The following ROBO2 variants were observed in gnomAD, a reference collection of about 807,000 sequenced individuals.
ROBO2 encodes the protein roundabout guidance receptor 2, also known as roundabout homolog 2.
ROBO2 carries 53 observed loss-of-function variants against 160.8 expected under a neutral mutation model. The observed-to-expected ratio is 0.33, with a 90% CI of 0.26 to 0.41. The LOEUF (loss-of-function observed/expected upper bound fraction) is 0.41. Among genes scored for constraint, ROBO2 ranks in the 10% least tolerant of loss-of-function variants. The probability of loss-of-function intolerance (pLI) is 1.00; values close to 1 mark genes in which losing one functional copy is unlikely to be tolerated. For synonymous variants in ROBO2, 664 were observed against 611.7 expected, an observed-to-expected ratio of 1.09 and a Z score of -1.26; for missense variants, 1,577 against 1,722.4, an observed-to-expected ratio of 0.92 and a Z score of 1.49.
chr3:76,978,281 T>C (rs1343962746), intron 2 of ROBO2, among the ~76,000 whole-genome samples: 3 of 152,170 alleles, frequency 2.0e-5, no homozygotes, highest in Non-Finnish European at 4.4e-5. Flanking sequence ...CTAATTGCAA[T>C]ATATTAGAGG....
At chr3:76,603,351 A>AAATAT (rs1553826368) in intron 2 of ROBO2, among the ~76,000 whole-genome samples, 68 of 26,410 alleles carry the variant, frequency 2.6e-3, no homozygotes, top group Non-Finnish European at 3.2e-3. Flanking sequence ...AAAAAAAAAA[A>AAATAT]ATATATATAT....
chr3:76,642,087 C>G (rs933082757), intron 2 of ROBO2, among the ~76,000 whole-genome samples: 2 of 152,066 alleles, frequency 1.3e-5, no homozygotes, highest in Non-Finnish European at 2.9e-5. Flanking sequence ...TGCAATTTTT[C>G]TATAAGTTTA....
chr3:76,198,655 T>TCAAAG (rs1702375974), intron 2 of ROBO2, among the ~76,000 whole-genome samples: 1 of 152,138 alleles, frequency 6.6e-6, no homozygotes, highest in Non-Finnish European at 1.5e-5. Context: ...AAGAAATATT[T>TCAAAG]GCCATCTATT....
At chr3:76,360,516 G>T (rs3860547) in intron 2 of ROBO2, among the ~76,000 whole-genome samples, 7,021 of 152,140 alleles carry the variant, frequency 0.046, 434 homozygotes, top group African/African-American at 0.14. Flanking sequence ...AGAAGTTAAT[G>T]AACTTTTAAA....
Position 77,574,483 on chromosome 3 carries a change from T to G in ROBO2, c.1972-16T>G. On this transcript the variant is annotated splice_polypyrimidine_tract_variant and intron_variant, in intron 13 of 25. Transcript: ENST00000461745. ...ACTTTCCTTTAGTTTCAAATGCCCT[T>G]AACTATGTTTTTCAGGTTGATCGCC... 1 of 1,605,960 alleles carries G rather than the reference T, an allele frequency of 6.2e-7. No individual in the cohort carries two copies. Among genetic ancestry groups the G allele is most frequent in the South Asian group, 1.1e-5 (1 of 90,942 alleles).
intron 2 of ROBO2, among the ~76,000 whole-genome samples, chr3:76,643,351 G>A (rs2090798154): frequency 6.6e-6 from 1 of 152,100 alleles, no homozygotes; most frequent in Non-Finnish European, 1.5e-5. Flanking sequence ...TACAAAATAT[G>A]ATTGAGATTT....
chr3:76,632,370 T>A (rs1477849669), intron 2 of ROBO2, among the ~76,000 whole-genome samples: 1 of 152,198 alleles, frequency 6.6e-6, no homozygotes, highest in Admixed American at 6.5e-5. Context: ...TGCATTAGCC[T>A]GTTTAAGTAC....
At chr3:76,483,330 C>G (rs1008373995) in intron 2 of ROBO2, among the ~76,000 whole-genome samples, 1 of 147,024 alleles carries the variant, frequency 6.8e-6, no homozygotes, top group African/African-American at 2.5e-5. Flanking sequence ...TCAATTTCAA[C>G]TTTTATTTTA....
intron 2 of ROBO2, among the ~76,000 whole-genome samples, chr3:77,329,282 G>A (rs887470395): frequency 4.6e-5 from 7 of 152,216 alleles, no homozygotes; most frequent in South Asian, 2.1e-4. Context: ...AGACGGATAC[G>A]TGTGGCTACA....
chr3:76,302,726 T>C (rs1345452636), intron 2 of ROBO2, among the ~76,000 whole-genome samples: 1 of 152,148 alleles, frequency 6.6e-6, no homozygotes, highest in Non-Finnish European at 1.5e-5. Flanking sequence ...TCATATAACC[T>C]AGGTGCGTAG....
chr3:76,944,087 A>G (rs1403878064), intron 2 of ROBO2, among the ~76,000 whole-genome samples: 2 of 152,226 alleles, frequency 1.3e-5, no homozygotes, highest in East Asian at 3.8e-4. Context: ...GTTTCAATAC[A>G]TCAACAATTT....
chr3:76,439,831 C>T (rs925689941), intron 2 of ROBO2, among the ~76,000 whole-genome samples: 1 of 152,046 alleles, frequency 6.6e-6, no homozygotes, highest in African/African-American at 2.4e-5. Context: ...TTTCTTTTGC[C>T]GTTGACTTGA....
intron 2 of ROBO2, among the ~76,000 whole-genome samples, chr3:77,011,961 A>C (rs1186160937): frequency 1.3e-5 from 2 of 152,236 alleles, no homozygotes; most frequent in East Asian, 1.9e-4. Context: ...GTAGGCTTGA[A>C]ATTTTTTGGA....
chr3:76,967,234 T>TC (rs1376080060), intron 2 of ROBO2, among the ~76,000 whole-genome samples: 1 of 151,990 alleles, frequency 6.6e-6, no homozygotes, highest in Non-Finnish European at 1.5e-5. Context: ...ATGTGCCTTT[T>TC]TTTTTTTTTT....
intron 2 of ROBO2, among the ~76,000 whole-genome samples, chr3:77,202,398 A>C (rs2082997291): frequency 6.6e-6 from 1 of 152,172 alleles, no homozygotes. Context: ...AGAAAGTCAA[A>C]TTAATGATAC....
At chr3:76,085,173 G>A (rs1331953534) in intron 2 of ROBO2, among the ~76,000 whole-genome samples, 1 of 151,348 alleles carries the variant, frequency 6.6e-6, no homozygotes, top group East Asian at 1.9e-4. Flanking sequence ...TATATGCATG[G>A]AAAATTGAGT....
At chr3:77,569,531 A>C (rs1320033647) in intron 13 of ROBO2, among the ~76,000 whole-genome samples, 1 of 151,984 alleles carries the variant, frequency 6.6e-6, no homozygotes, top group African/African-American at 2.4e-5. Flanking sequence ...TTATTGACTT[A>C]ACAAGTGTTT....
chr3:76,983,503 T>G (rs568301262), intron 2 of ROBO2, among the ~76,000 whole-genome samples: 1 of 152,282 alleles, frequency 6.6e-6, no homozygotes, highest in Admixed American at 6.5e-5. Flanking sequence ...AATCCATCTA[T>G]TTAGTTAGTA....
chr3:76,272,840 T>TTTATATATAAAATATATAAAATATATAA (rs1164233852), intron 2 of ROBO2, among the ~76,000 whole-genome samples: 1 of 2,978 alleles, frequency 3.4e-4, no homozygotes, highest in African/African-American at 6.5e-4. Flanking sequence ...AATATATATA[T>TTTATATATAAAATATATAAAATATATAA]TATATATTAT....
Sources: gnomAD v4.1 joint callset for allele counts (sites outside exome capture counted in the v4.1 genomes callset) on GRCh38, gnomAD v4.1.1 for gene constraint, MANE v1.5 for transcripts, NCBI Gene and HGNC (gene_info 2026-07-23, HGNC 2026-07-21) for gene names.